The following DOCK10 variants were observed in gnomAD, a reference collection of about 807,000 sequenced individuals.
DOCK10 encodes dedicator of cytokinesis 10.
In DOCK10, 145 loss-of-function variants were observed where a neutral mutation model predicts 280.1. That is an observed-to-expected ratio of 0.52 (90% CI 0.45 to 0.59). The LOEUF is 0.59. DOCK10 is among the 20% of genes least tolerant of loss of function. DOCK10 has a pLI of 0.00. For synonymous variants in DOCK10, 915 were observed against 942.2 expected, an observed-to-expected ratio of 0.97 and a Z score of 0.53; for missense variants, 2,368 against 2,651.7, an observed-to-expected ratio of 0.89 and a Z score of 2.35.
intron 1 of DOCK10, among the ~76,000 whole-genome samples, chr2:224,951,505 A>G (rs531104383): frequency 4.6e-4 from 70 of 152,358 alleles, no homozygotes; most frequent in African/African-American, 1.6e-3. Flanking sequence ...TTGGAAATTA[A>G]GTAAGATGGG....
intron 7 of DOCK10, among the ~76,000 whole-genome samples, chr2:224,877,241 A>G (rs1195229980): frequency 6.6e-6 from 1 of 152,222 alleles, no homozygotes; most frequent in African/African-American, 2.4e-5. Context: ...CAGAGCACTT[A>G]CCATGATTTG....
intron 33 of DOCK10, 132 bp downstream of exon 33, chr2:224,807,536 A>G: frequency 1.6e-6 from 1 of 627,556 alleles, no homozygotes; most frequent in Non-Finnish European, 2.8e-6. Context: ...TGATGTGAGT[A>G]CATAGCAGAA....
intron 11 of DOCK10, among the ~76,000 whole-genome samples, chr2:224,871,163 C>G (rs1175518832): frequency 2.0e-5 from 3 of 152,080 alleles, no homozygotes; most frequent in African/African-American, 4.8e-5. Flanking sequence ...TAAGACATCT[C>G]TCTTTGGATA....
At chr2:224,928,415 T>C in intron 2 of DOCK10, among the ~76,000 whole-genome samples, 1 of 152,372 alleles carries the variant, frequency 6.6e-6, no homozygotes. Context: ...TATCAGAATT[T>C]GAATTTCAGA....
intron 3 of DOCK10, among the ~76,000 whole-genome samples, chr2:224,916,222 C>T (rs1191490681): frequency 2.6e-5 from 4 of 152,146 alleles, no homozygotes; most frequent in South Asian, 2.1e-4. Flanking sequence ...ATGGTGAAAC[C>T]CCATCTCTAC....
chr2:224,882,857 A>G (rs1699054905), intron 7 of DOCK10, among the ~76,000 whole-genome samples: 1 of 152,124 alleles, frequency 6.6e-6, no homozygotes, highest in Non-Finnish European at 1.5e-5. Flanking sequence ...ATTTCACTCA[A>G]ATTCTCTCCA....
intron 1 of DOCK10, among the ~76,000 whole-genome samples, chr2:224,974,888 T>C (rs980076517): frequency 1.6e-5 from 2 of 124,080 alleles, no homozygotes; most frequent in African/African-American, 5.2e-5. Flanking sequence ...GTGTGTGATA[T>C]GTATTTATCT....
At chr2:224,991,500 G>A (rs990067725) in intron 1 of DOCK10, among the ~76,000 whole-genome samples, 1 of 152,122 alleles carries the variant, frequency 6.6e-6, no homozygotes, top group Non-Finnish European at 1.5e-5. Context: ...GTTATTCCAA[G>A]TTAGTACCAA....
At chr2:224,847,928 A>C in intron 19 of DOCK10, among the ~76,000 whole-genome samples, 1 of 152,220 alleles carries the variant, frequency 6.6e-6, no homozygotes. Flanking sequence ...TGATTAAGTT[A>C]AGGACCATGA....
chr2:224,903,326 G>A (rs1700417750), intron 3 of DOCK10, among the ~76,000 whole-genome samples: 1 of 152,190 alleles, frequency 6.6e-6, no homozygotes, highest in Admixed American at 6.5e-5. Flanking sequence ...AAGCATGCAT[G>A]CCCATTTGTA....
In DOCK10 at chr2:224,815,067, T is replaced by C. The variant is rs542454058; in HGVS notation, c.3365-703A>G. 3.1e-4 allele frequency among the ~76,000 whole-genome samples: 47 copies of C among 152,272 alleles called. 1 individual carries two copies. The highest frequency in any genetic ancestry group is 6.5e-4 in the Non-Finnish European group (44 of 68,012). On this transcript the variant is annotated intron_variant, in intron 30 of 55. Coordinates refer to ENST00000258390, the MANE Select transcript of DOCK10 (RefSeq NM_014689.3). The stretch of plus-strand genomic sequence containing the variant: ...CATCTTGAATTGTAATCCACACACG[T>C]TAGGGGAGGTACCTGGTGGGAGGTG...
intron 1 of DOCK10, among the ~76,000 whole-genome samples, chr2:225,039,324 T>C (rs530058808): frequency 6.6e-6 from 1 of 152,362 alleles, no homozygotes; most frequent in Non-Finnish European, 1.5e-5. Flanking sequence ...TTCAGGAAAT[T>C]ATGAGAACTT....
intron 2 of DOCK10, among the ~76,000 whole-genome samples, 174 bp from the exon 3 acceptor site, chr2:224,916,958 A>G (rs1446384534): frequency 6.6e-6 from 1 of 152,154 alleles, no homozygotes; most frequent in East Asian, 1.9e-4. Flanking sequence ...AGATGTGGAC[A>G]TTTATTTGAT....
At chr2:224,858,538 T>C (rs1234386671) in intron 14 of DOCK10, among the ~76,000 whole-genome samples, 2 of 152,058 alleles carry the variant, frequency 1.3e-5, no homozygotes, top group African/African-American at 4.8e-5. Flanking sequence ...GCACCTGTAA[T>C]CCCAACTAGT....
rs1689692969 is a variant in DOCK10, at chr2:225,018,657, TAA to T, written c.123+23593_123+23594del. Reference sequence around the variant, plus strand: ...ATATATATGTAATATTATATATATATAATATATATGTAATATTATATATATAT... The same window carrying T: ...ATATATATGTAATATTATATATATATTATATATGTAATATTATATATATAT... On this transcript the variant is annotated intron_variant, in intron 1 of 55. Transcript: ENST00000258390. Among the ~76,000 whole-genome samples, 2 of 111,446 alleles carry T rather than the reference TAA, an allele frequency of 1.8e-5. 1 individual carries two copies. The highest frequency in any genetic ancestry group is 3.5e-5 in the Non-Finnish European group (2 of 57,686). The allele number at this position is 111,446 out of a possible 152,430, so 73.1% of individuals were successfully genotyped here.
intron 50 of DOCK10, chr2:224,784,646 A>T: frequency 8.5e-7 from 1 of 1,172,196 alleles, no homozygotes; most frequent in Admixed American, 2.3e-5. Context: ...TGATTTGCAC[A>T]AAAAGGTTAA....
chr2:225,030,276 C>T (rs1690041155), intron 1 of DOCK10, among the ~76,000 whole-genome samples: 1 of 151,894 alleles, frequency 6.6e-6, no homozygotes, highest in Admixed American at 6.6e-5. Context: ...GTCATGAAAA[C>T]TCTCTAACAT....
At chr2:224,944,946 C>T (rs1443088256) in intron 1 of DOCK10, among the ~76,000 whole-genome samples, 1 of 152,206 alleles carries the variant, frequency 6.6e-6, no homozygotes, top group Non-Finnish European at 1.5e-5. Flanking sequence ...CGCGTCCTTA[C>T]TGGCCGCTCT....
intron 1 of DOCK10, among the ~76,000 whole-genome samples, chr2:224,950,933 G>A (rs183259171): frequency 6.6e-6 from 1 of 152,326 alleles, no homozygotes; most frequent in East Asian, 1.9e-4. Flanking sequence ...AGCCATTACA[G>A]AGCCTCAATG....
Sources: gnomAD v4.1 joint callset for allele counts (sites outside exome capture counted in the v4.1 genomes callset) on GRCh38, gnomAD v4.1.1 for gene constraint, MANE v1.5 for transcripts, NCBI Gene and HGNC (gene_info 2026-07-23, HGNC 2026-07-21) for gene names.